The following SAMD3 variants were observed in gnomAD, a reference collection of about 807,000 sequenced individuals.
The protein encoded by SAMD3 is sterile alpha motif domain containing 3, also known as sterile alpha motif domain-containing protein 3.
Under a neutral mutation model 58.5 loss-of-function variants are expected in SAMD3, and 63 were observed. The ratio of observed to expected loss-of-function variants is 1.08; its 90% CI spans 0.88 to 1.33. The LOEUF (loss-of-function observed/expected upper bound fraction) is 1.33, where lower values mean the gene tolerates loss of function less well. Ranked by LOEUF, SAMD3 falls within the 40% of genes most tolerant of loss-of-function variation. The pLI is 0.00. For missense variants in SAMD3, 604 were observed against 608.4 expected, an observed-to-expected ratio of 0.99 and a Z score of 0.08; for synonymous variants, 220 against 210.3, an observed-to-expected ratio of 1.05 and a Z score of -0.40.
At position 130,346,895 on chromosome 6, in the gene SAMD3, G is replaced by T. The variant is rs138256893; in HGVS notation, c.-304+18225C>A. Among the ~76,000 whole-genome samples the T allele has an allele frequency of 2.9e-3, 440 of 152,250 alleles. 20 individuals are homozygous for T. The East Asian group carries it at 0.069, about 24-fold the overall frequency. On this transcript the variant is annotated intron_variant, in intron 1 of 13. Coordinates refer to the SAMD3 transcript ENST00000368134. ...TCTGAGACAAAACTTCCAGAGGAACGATCAGGCAGCAACATTTGCTGTTCA... is the reference window on the plus strand; with the variant it reads ...TCTGAGACAAAACTTCCAGAGGAACTATCAGGCAGCAACATTTGCTGTTCA...
intron 5 of SAMD3, among the ~76,000 whole-genome samples, chr6:130,203,938 G>T (rs991125164): frequency 3.3e-5 from 5 of 152,140 alleles, no homozygotes; most frequent in Non-Finnish European, 4.4e-5. Context: ...GTGTGAAAGA[G>T]CCTGCAAACA....
At chr6:130,303,493 A>G (rs187341938) in intron 2 of SAMD3, among the ~76,000 whole-genome samples, 14 of 152,314 alleles carry the variant, frequency 9.2e-5, no homozygotes, top group Admixed American at 9.2e-4. Flanking sequence ...TTCCTCTCCC[A>G]GGCCTTTCCA....
At chr6:130,297,584 G>T (rs1303622426) in intron 2 of SAMD3, among the ~76,000 whole-genome samples, 7 of 152,084 alleles carry the variant, frequency 4.6e-5, no homozygotes, top group African/African-American at 1.7e-4. Context: ...AATATAAATT[G>T]CAAGGAAACT....
At chr6:130,246,261 T>A (rs1490634788) in intron 2 of SAMD3, among the ~76,000 whole-genome samples, 1 of 152,198 alleles carries the variant, frequency 6.6e-6, no homozygotes, top group Non-Finnish European at 1.5e-5. Flanking sequence ...TTTAAAACAG[T>A]GTAAATATGT....
At chr6:130,188,788 T>G (rs1048562750) in intron 5 of SAMD3, among the ~76,000 whole-genome samples, 1 of 152,204 alleles carries the variant, frequency 6.6e-6, no homozygotes, top group Non-Finnish European at 1.5e-5. Flanking sequence ...TCCTTGACAC[T>G]GTTTCATTTT....
chr6:130,143,708 T>TTGA (rs1420280858), downstream of SAMD3: 1 of 152,248 alleles, frequency 6.6e-6, no homozygotes, highest in Non-Finnish European at 1.5e-5. Context: ...TGTTGATATT[T>TTGA]TGATAATAAC....
chr6:130,164,867 T>C (rs1790586572), intron 8 of SAMD3, among the ~76,000 whole-genome samples: 1 of 152,070 alleles, frequency 6.6e-6, no homozygotes, highest in African/African-American at 2.4e-5. Context: ...ATCCTGCTGA[T>C]TGTACAAAGG....
chr6:130,304,504 T>G (rs1406673859), intron 2 of SAMD3, among the ~76,000 whole-genome samples: 1 of 152,208 alleles, frequency 6.6e-6, no homozygotes, highest in African/African-American at 2.4e-5. Flanking sequence ...GTTGGGCTTC[T>G]CTCTTTAGTT....
chr6:130,365,475 G>A (rs1778112015), upstream of SAMD3: 3 of 985,430 alleles, frequency 3.0e-6, no homozygotes, highest in Non-Finnish European at 3.6e-6. Flanking sequence ...CCCGCCAGGG[G>A]GACCCCGGCC....
At chr6:130,227,227 G>GT (rs1159027773), upstream of SAMD3, among the ~76,000 whole-genome samples, 2 of 152,032 alleles carry the variant, frequency 1.3e-5, no homozygotes, top group Admixed American at 6.6e-5. Context: ...TACAATATTT[G>GT]TTTTTTTGTA....
At chr6:130,164,148 T>C (rs905973847) in intron 8 of SAMD3, among the ~76,000 whole-genome samples, 1 of 151,436 alleles carries the variant, frequency 6.6e-6, no homozygotes, top group Non-Finnish European at 1.5e-5. Context: ...TGTTCCAGTA[T>C]ATATTTGATA....
intron 1 of SAMD3, among the ~76,000 whole-genome samples, chr6:130,331,116 A>G (rs1776919335): frequency 6.6e-6 from 1 of 152,232 alleles, no homozygotes; most frequent in Admixed American, 6.5e-5. Context: ...ATGAGCAGAA[A>G]AAGTAGAATT....
At chr6:130,143,450 G>T (rs1457067885), downstream of SAMD3, among the ~76,000 whole-genome samples, 3 of 152,072 alleles carry the variant, frequency 2.0e-5, no homozygotes, top group African/African-American at 7.2e-5. Flanking sequence ...CACATTATTA[G>T]CCAGGCTGGT....
intron 2 of SAMD3, among the ~76,000 whole-genome samples, chr6:130,240,293 T>G (rs1017957754): frequency 6.6e-6 from 1 of 152,094 alleles, no homozygotes; most frequent in African/African-American, 2.4e-5. Context: ...TGACCCCAAT[T>G]CATACAACAA....
intron 2 of SAMD3, among the ~76,000 whole-genome samples, chr6:130,237,764 A>G (rs1454440570): frequency 6.6e-6 from 1 of 152,156 alleles, no homozygotes; most frequent in Non-Finnish European, 1.5e-5. Context: ...TGATCTAAAC[A>G]AGGGATTGTG....
chr6:130,313,520 C>T (rs1266117288), intron 1 of SAMD3, among the ~76,000 whole-genome samples: 1 of 152,202 alleles, frequency 6.6e-6, no homozygotes, highest in African/African-American at 2.4e-5. Context: ...TGTAAGCAAT[C>T]TGGGAGACAA....
intron 1 of SAMD3, among the ~76,000 whole-genome samples, chr6:130,336,662 C>G (rs1019515221): frequency 6.6e-6 from 1 of 152,154 alleles, no homozygotes; most frequent in Non-Finnish European, 1.5e-5. Flanking sequence ...TAATGCCTGA[C>G]AGAATGCTGG....
chr6:130,306,402 A>G (rs1775911723), intron 2 of SAMD3, among the ~76,000 whole-genome samples: 1 of 152,208 alleles, frequency 6.6e-6, no homozygotes, highest in South Asian at 2.1e-4. Flanking sequence ...GAAGCAAAAG[A>G]AAAATGATAT....
intron 2 of SAMD3, among the ~76,000 whole-genome samples, chr6:130,293,996 C>T (rs1583061902): frequency 6.6e-6 from 1 of 152,252 alleles, no homozygotes; most frequent in Non-Finnish European, 1.5e-5. Context: ...AGAGGGCAGA[C>T]AACCTCTTGG....
Sources: allele counts gnomAD v4.1 joint callset (sites outside exome capture counted in the v4.1 genomes callset), GRCh38; gene constraint gnomAD v4.1.1; transcripts MANE v1.5; gene names NCBI Gene and HGNC (gene_info 2026-07-23, HGNC 2026-07-21).